The following CCHCR1 variants were observed in gnomAD, a reference collection of about 807,000 sequenced individuals.
CCHCR1 encodes coiled-coil alpha-helical rod protein 1.
Under a neutral mutation model 114.6 loss-of-function variants are expected in CCHCR1, and 91 were observed. The ratio of observed to expected loss-of-function variants is 0.79; its 90% CI spans 0.67 to 0.94. The LOEUF is 0.94. CCHCR1 is among the 40% of genes least tolerant of loss of function. The pLI is 0.00. For synonymous variants in CCHCR1, 379 were observed against 428.5 expected, an observed-to-expected ratio of 0.88 and a Z score of 1.43; for missense variants, 899 against 1,079.9, an observed-to-expected ratio of 0.83 and a Z score of 2.35.
rs557052806 is a variant in CCHCR1, at chr6:31,145,217, G to A, written c.1825C>T (p.Gln609Ter). Reference sequence around the variant, plus strand: ...TGCTGGATGAGGCGGGCACTCAGCTGCAGTTCTGCATCCAGGCGGTTCCGT... The same window carrying A: ...TGCTGGATGAGGCGGGCACTCAGCTACAGTTCTGCATCCAGGCGGTTCCGT... ...EERNRLDAELQLSARLIQQEV... is the reference protein window; with the variant it reads ...EERNRLDAEL Residue 609 changes from glutamine to a stop codon, truncating the protein, a stop_gained, in exon 13 of 18, where the codon CAG (glutamine) becomes TAG (stop). Transcript: ENST00000396268. LOFTEE classifies it high-confidence loss of function. The A allele has an allele frequency of 8.1e-6, 13 of 1,613,398 alleles. No homozygotes were observed. The South Asian group carries it at 1.3e-4, about 16-fold the overall frequency.
chr6:31,146,702 A>G (rs545501387), intron 10 of CCHCR1, among the ~76,000 whole-genome samples: 5 of 152,346 alleles, frequency 3.3e-5, no homozygotes, highest in African/African-American at 1.2e-4. Context: ...ACCTAGAGAC[A>G]ATCTAATAAA....
Position 31,150,503 on chromosome 6 carries a change from C to T in CCHCR1, c.1164G>A (p.Gln388=). The change falls in exon 7 of 18, where the codon CAG becomes CAA. Residue 388 remains glutamine (Q), a synonymous_variant. Transcript: ENST00000396268. The surrounding 1 kb of genome is among the most constrained non-coding windows in gnomAD (Gnocchi z 5.3). ...ATAELLQVRV[Q]SLTHILALQE... Reference sequence around the variant, plus strand: ...GCAGGGCGAGGATGTGTGTGAGGCTCTGCACCCGCACCTGCAGCAGCTCCG... The same window carrying T: ...GCAGGGCGAGGATGTGTGTGAGGCTTTGCACCCGCACCTGCAGCAGCTCCG... 3 of 1,612,738 alleles carry T rather than the reference C, an allele frequency of 1.9e-6. No homozygotes were observed. Among genetic ancestry groups the T allele is most frequent in the Non-Finnish European group, 2.5e-6 (3 of 1,179,950 alleles).
At position 31,154,484 on chromosome 6, in the gene CCHCR1, C is replaced by T; in HGVS notation, c.801+12G>A. On this transcript the variant is annotated intron_variant, in intron 4 of 17. Coordinates refer to ENST00000396268, the MANE Select transcript of CCHCR1 (RefSeq NM_001105564.2). This position sits in a 1 kb window ranked among gnomAD's most constrained non-coding sequence, Gnocchi z 4.1. ...CGTTATGAATTTGAATCCTTTCTAC[C>T]CCTGCATTCACCTGCTCTTGGTGCA... 6.3e-7 allele frequency: 1 copy of T among 1,598,820 alleles called. No homozygotes were observed. Among genetic ancestry groups the T allele is most frequent in the Non-Finnish European group, 8.6e-7 (1 of 1,168,180 alleles).
intron 1 of CCHCR1, 142 bp downstream of exon 1, chr6:31,157,243 C>T: frequency 1.0e-6 from 1 of 990,550 alleles, no homozygotes; most frequent in Non-Finnish European, 1.6e-6. Context: ...TAGGAGATAC[C>T]CCAAATTCAC....
At position 31,143,306 on chromosome 6, in the gene CCHCR1, C is replaced by A. The variant is rs1273329186; in HGVS notation, c.2275G>T (p.Ala759Ser). The A allele has an allele frequency of 1.9e-6, 3 of 1,612,728 alleles. No individual in the cohort carries two copies. Among genetic ancestry groups the A allele is most frequent in the Non-Finnish European group, 2.5e-6 (3 of 1,180,024 alleles). ...EARKEEGQRL[A>S]RRLQELERDK... ...CTCTCTAGCTCCTGCAAGCGCCGGG[C>A]CAGTCGCTGCCCCTCCTCCTTCCGG... Residue 759 changes from alanine (A) to serine (S), a missense_variant, in exon 16 of 18, where the codon GCC (alanine) becomes TCC (serine). Physicochemically the swap from Ala to Ser is moderately conservative, Grantham distance 99. Transcript: ENST00000396268. This position sits in a 1 kb window ranked among gnomAD's most constrained non-coding sequence, Gnocchi z 5.3.
rs1775062904 is a variant in CCHCR1 at position 31,150,515 on chromosome 6, C to T, written c.1152G>A (p.Gln384=). ...DSLHATAELL[Q]VRVQSLTHIL... Reference sequence around the variant, plus strand: ...TGTGTGTGAGGCTCTGCACCCGCACCTGCAGCAGCTCCGCGGTGGCATGCA... The same window carrying T: ...TGTGTGTGAGGCTCTGCACCCGCACTTGCAGCAGCTCCGCGGTGGCATGCA... Residue 384 remains glutamine, a synonymous_variant, in exon 7 of 18, where the codon CAG becomes CAA. Coordinates refer to ENST00000396268, the MANE Select transcript of CCHCR1 (RefSeq NM_001105564.2). This position sits in a 1 kb window ranked among gnomAD's most constrained non-coding sequence, Gnocchi z 5.3. 1 of 1,612,580 alleles carries T rather than the reference C, an allele frequency of 6.2e-7. No homozygotes were observed.
chr6:31,156,654 T>G, intron 3 of CCHCR1, 77 bp downstream of exon 3: 1 of 1,265,734 alleles, frequency 7.9e-7, no homozygotes, highest in Non-Finnish European at 1.1e-6. Context: ...AGGGCCGAAA[T>G]AGGGTAAGGA....
intron 10 of CCHCR1, among the ~76,000 whole-genome samples, chr6:31,146,340 A>C (rs1385376854): frequency 6.6e-6 from 1 of 152,130 alleles, no homozygotes; most frequent in Non-Finnish European, 1.5e-5. Context: ...GCGAGACTCC[A>C]TCTCAAAAAA....
chr6:31,145,663 G>T, intron 11 of CCHCR1, 33 bp downstream of exon 11: 1 of 1,533,898 alleles, frequency 6.5e-7, no homozygotes, highest in Non-Finnish European at 9.0e-7. Context: ...GGTGGGGTGG[G>T]GGCAGGACGT....
rs761674916 is a variant in CCHCR1, at chr6:31,145,204, C to T, written c.1838G>A (p.Arg613His). The change falls in exon 13 of 18, where the codon CGC becomes CAC. Residue 613 changes from arginine (R) to histidine (H), a missense_variant. By Grantham distance (29) the Arg-to-His change is conservative (BLOSUM62 0). Coordinates refer to ENST00000396268, the MANE Select transcript of CCHCR1 (RefSeq NM_001105564.2). ...CCGGCCCACCTCCTGCTGGATGAGG[C>T]GGGCACTCAGCTGCAGTTCTGCATC... ...RLDAELQLSARLIQQEVGRAR... is the reference protein window; with the variant it reads ...RLDAELQLSAHLIQQEVGRAR... The T allele has an allele frequency of 5.0e-6, 8 of 1,613,124 alleles. No homozygotes were observed. Among genetic ancestry groups the T allele is most frequent in the South Asian group, 1.1e-5 (1 of 91,090 alleles).
At chr6:31,157,915 C>A (rs190018202), upstream of CCHCR1, 57 of 440,138 alleles carry the variant, frequency 1.3e-4, no homozygotes, top group African/African-American at 1.1e-3. Flanking sequence ...CTGGTCCTGA[C>A]CCTCACCCCC....
chr6:31,150,362 G>A lies in CCHCR1; in HGVS notation c.1212+93C>T. ...GAAGGAGATCTAAGCAGGTTCTGGGGCACATTGACCCCTCCTGCCCACAGG... is the reference window on the plus strand; with the variant it reads ...GAAGGAGATCTAAGCAGGTTCTGGGACACATTGACCCCTCCTGCCCACAGG... On this transcript the variant is annotated intron_variant, in intron 7 of 17. Coordinates refer to ENST00000396268, the MANE Select transcript of CCHCR1 (RefSeq NM_001105564.2). This position sits in a 1 kb window ranked among gnomAD's most constrained non-coding sequence, Gnocchi z 5.3. 1.5e-6 allele frequency: 2 copies of A among 1,339,148 alleles called. No individual in the cohort carries two copies. The highest frequency in any genetic ancestry group is 2.1e-6 in the Non-Finnish European group (2 of 948,172). 83.0% of individuals were successfully genotyped at this position (1,339,148 alleles called of 1,614,324 possible).
At chr6:31,145,655 T>G in intron 11 of CCHCR1, 41 bp downstream of exon 11, 3 of 1,509,380 alleles carry the variant, frequency 2.0e-6, no homozygotes, top group Non-Finnish European at 2.8e-6. Flanking sequence ...TCCGAGCTGG[T>G]GGGGTGGGGG....
rs959791199 is a variant in CCHCR1 at position 31,144,346 on chromosome 6, C to G, written c.2167+341G>C. 1.1e-4 allele frequency among the ~76,000 whole-genome samples: 17 copies of G among 152,198 alleles called. No homozygotes were observed. The highest frequency in any genetic ancestry group is 9.8e-4 in the Admixed American group (15 of 15,274). ...GTAAGCTTGGGGTACAGGTGCCCAC[C>G]ACCAGGCCTAGCTAATTTTTGTATT... On this transcript the variant is annotated intron_variant, in intron 15 of 17. Coordinates refer to ENST00000396268, the MANE Select transcript of CCHCR1 (RefSeq NM_001105564.2). The surrounding 1 kb of genome is among the most constrained non-coding windows in gnomAD (Gnocchi z 4.6).
Position 31,143,330 on chromosome 6 carries a change from G to C in CCHCR1, c.2251C>G (p.Arg751Gly), listed in dbSNP as rs749477531. ...GCCAGTCGCTGCCCCTCCTCCTTCC[G>C]GGCCTCCTCCTGCAGACGCCTGAGT... is the stretch of plus-strand genomic sequence containing the variant. ...QELRRLQEEA[R>G]KEEGQRLARR... is the part of the protein sequence containing the mutation. Residue 751 changes from arginine to glycine, a missense_variant, in exon 16 of 18, where the codon CGG (arginine) becomes GGG (glycine). Transcript: ENST00000396268. This position sits in a 1 kb window ranked among gnomAD's most constrained non-coding sequence, Gnocchi z 5.3. 1.1e-5 allele frequency: 17 copies of C among 1,612,838 alleles called. 2 individuals are homozygous for C. In the South Asian group the frequency reaches 1.5e-4, roughly 15 times the overall value.
chr6:31,145,112 C>A, intron 13 of CCHCR1, 39 bp from the exon 14 acceptor site: 1 of 1,604,836 alleles, frequency 6.2e-7, no homozygotes. Flanking sequence ...TCTCCCAGCA[C>A]CCTAGACACC....
chr6:31,143,315 G>A lies in CCHCR1; in HGVS notation c.2266C>T (p.Gln756Ter). Residue 756 changes from glutamine to a stop codon, truncating the protein, a stop_gained, in exon 16 of 18, where the codon CAG becomes TAG. Transcript: ENST00000396268. LOFTEE classifies it high-confidence loss of function. The surrounding 1 kb of genome is among the most constrained non-coding windows in gnomAD (Gnocchi z 5.3). ...TCCTGCAAGCGCCGGGCCAGTCGCT[G>A]CCCCTCCTCCTTCCGGGCCTCCTCC... is the stretch of plus-strand genomic sequence containing the variant. The part of the protein sequence containing the change: ...LQEEARKEEG[Q>*]RLARRLQELE... 1 of 1,612,760 alleles carries A rather than the reference G, an allele frequency of 6.2e-7. No individual in the cohort carries two copies. The highest frequency in any genetic ancestry group is 8.5e-7 in the Non-Finnish European group (1 of 1,179,932).
intron 17 of CCHCR1, 65 bp downstream of exon 17, chr6:31,142,898 G>C (rs1773744766): frequency 6.5e-7 from 1 of 1,550,288 alleles, no homozygotes; most frequent in Non-Finnish European, 8.8e-7. Context: ...TCATGCGAGA[G>C]TCTGAAGAGG....
Position 31,144,292 on chromosome 6 carries a change from C to T in CCHCR1, c.2167+395G>A, listed in dbSNP as rs953534260. 6.6e-6 allele frequency among the ~76,000 whole-genome samples: 1 copy of T among 152,130 alleles called. No homozygotes were observed. The highest frequency in any genetic ancestry group is 6.5e-5 in the Admixed American group (1 of 15,280). On this transcript the variant is annotated intron_variant, in intron 15 of 17. Coordinates refer to ENST00000396268, the MANE Select transcript of CCHCR1 (RefSeq NM_001105564.2). This position sits in a 1 kb window ranked among gnomAD's most constrained non-coding sequence, Gnocchi z 4.6. ...CACTGCAGCCTCGACCTCCCGGGTT[C>T]ATGTAGTCTTCCCACATCAGCCTCA...
Sources: allele counts gnomAD v4.1 joint callset (sites outside exome capture counted in the v4.1 genomes callset), GRCh38; gene constraint gnomAD v4.1.1; non-coding constraint Gnocchi (gnomAD v3.1); transcripts MANE v1.5; gene names NCBI Gene and HGNC (gene_info 2026-07-23, HGNC 2026-07-21).